PPT2: variants seen among roughly 807,000 people sequenced by gnomAD.
PPT2 encodes lysosomal thioesterase PPT2.
Under a neutral mutation model 37.3 loss-of-function variants are expected in PPT2, and 20 were observed. That is an observed-to-expected ratio of 0.54 (90% CI 0.38 to 0.78). PPT2 has a LOEUF of 0.78. Ranked by LOEUF, PPT2 falls within the 30% of genes least tolerant of loss-of-function variation. PPT2 has a pLI of 0.00. For missense variants in PPT2, 270 were observed against 389.8 expected (o/e 0.69, Z 2.59); for synonymous variants, 135 against 159.1 (o/e 0.85, Z 1.14).
At chr6:32,157,369 C>T (rs1405892260) in intron 5 of PPT2, 10 of 517,794 alleles carry the variant, frequency 1.9e-5, no homozygotes, top group East Asian at 1.4e-4. Flanking sequence ...TGCACCACCA[C>T]GCCTGGCTAA....
At position 32,163,237 on chromosome 6, in the gene PPT2, C is replaced by T. The variant is rs1582631058; in HGVS notation, c.*287C>T. On this transcript the variant is annotated 3_prime_UTR_variant, in exon 9 of 9. Coordinates refer to ENST00000324816, the MANE Select transcript of PPT2 (RefSeq NM_005155.7). ...AGGCCGAAGTTGGGAAGTGAGAAAC[C>T]ATGTTTTTAACTTGTGGCTGCTTTT... The T allele has an allele frequency of 4.7e-6, 2 of 427,178 alleles. No individual in the cohort carries two copies. The highest frequency in any genetic ancestry group is 7.4e-5 in the East Asian group (2 of 27,070). 26.5% of individuals were successfully genotyped at this position (427,178 alleles called of 1,614,324 possible).
chr6:32,157,516 A>G, intron 5 of PPT2, 121 bp from the exon 6 acceptor site: 1 of 849,916 alleles, frequency 1.2e-6, no homozygotes, highest in Non-Finnish European at 1.9e-6. Context: ...CCTGGCCTAC[A>G]TTATCACTAC....
Position 32,156,302 on chromosome 6 carries a change from C to T in PPT2, c.541+324C>T, listed in dbSNP as rs568796839. ...TGTATTTTAAGTAGAGATGGAGTTTCGCCATGTTGGCCAGGCTGGTCTCGA... is the reference window on the plus strand; with the variant it reads ...TGTATTTTAAGTAGAGATGGAGTTTTGCCATGTTGGCCAGGCTGGTCTCGA... On this transcript the variant is annotated intron_variant, in intron 5 of 8. Coordinates refer to ENST00000324816, the MANE Select transcript of PPT2 (RefSeq NM_005155.7). The surrounding 1 kb of genome is among the most constrained non-coding windows in gnomAD (Gnocchi z 4.9). Among the ~76,000 whole-genome samples, 15 of 152,200 alleles carry T rather than the reference C, an allele frequency of 9.9e-5. No homozygotes were observed. Among genetic ancestry groups the T allele is most frequent in the East Asian group, 5.8e-4 (3 of 5,178 alleles).
At position 32,155,557 on chromosome 6, in the gene PPT2, GTGT is replaced by G. The variant is rs1783713893; in HGVS notation, c.338-130_338-128del. 9 of 796,556 alleles carry G rather than the reference GTGT, an allele frequency of 1.1e-5. No individual in the cohort carries two copies. The highest frequency in any genetic ancestry group is 1.9e-5 in the Non-Finnish European group (9 of 477,624). 49.3% of individuals were successfully genotyped at this position (796,556 alleles called of 1,614,324 possible). ...CCTTCTGTAAGCCTCAGTCTCCTTT[GTGT>G]ACAGTGTGTGTCTGTGTGTGTCTCT... is the stretch of plus-strand genomic sequence containing the variant. On this transcript the variant is annotated intron_variant, in intron 3 of 8. Transcript: ENST00000324816. The surrounding 1 kb of genome is among the most constrained non-coding windows in gnomAD (Gnocchi z 4.3).
At chr6:32,161,443 C>G (rs552824930) in intron 7 of PPT2, among the ~76,000 whole-genome samples, 1 of 150,886 alleles carries the variant, frequency 6.6e-6, no homozygotes, top group South Asian at 2.1e-4. Flanking sequence ...GCGCCCACCA[C>G]CATGCCCAAC....
rs1582601986 is a variant in PPT2, at chr6:32,154,331, A to G, written c.-82A>G. On this transcript the variant is annotated 5_prime_UTR_variant, in exon 1 of 9. Transcript: ENST00000324816. The surrounding 1 kb of genome is among the most constrained non-coding windows in gnomAD (Gnocchi z 7.3). ...GCGTTGTTCATGGCTGAGGCGATGC[A>G]TTAGGAAGATCCTGGACCTAGAGAA... 7.1e-7 allele frequency: 1 copy of G among 1,400,226 alleles called. No individual in the cohort carries two copies. The allele number at this position is 1,400,226 out of a possible 1,614,324, so 86.7% of individuals were successfully genotyped here.
Position 32,162,627 on chromosome 6 carries a change from GC to G in PPT2, c.765+10del. On this transcript the variant is annotated splice_donor_region_variant and intron_variant, in intron 8 of 8. Transcript: ENST00000324816. The surrounding 1 kb of genome is among the most constrained non-coding windows in gnomAD (Gnocchi z 5.5). ...CTGGAGATGGAGGAGCAACTGGTGA[GC>G]CCCCTGGGATTACTTCCCCTTCTAG... The G allele has an allele frequency of 1.2e-6, 2 of 1,604,558 alleles. No individual in the cohort carries two copies. The highest frequency in any genetic ancestry group is 1.7e-6 in the Non-Finnish European group (2 of 1,171,314).
chr6:32,161,395 T>C (rs755399691), intron 7 of PPT2, among the ~76,000 whole-genome samples: 5 of 151,932 alleles, frequency 3.3e-5, no homozygotes, highest in Non-Finnish European at 7.4e-5. Flanking sequence ...GTTCAAGTGA[T>C]TCTCCTGTCT....
rs1053774897 is a variant in PPT2 at position 32,154,259 on chromosome 6, A to G, written c.-154A>G. ...GGACCCAGGCCAGGTGGGAGTCTGC[A>G]CTCTTCAAGGGGCCTGGGCTGCTGC... On this transcript the variant is annotated 5_prime_UTR_variant, in exon 1 of 9. Coordinates refer to ENST00000324816, the MANE Select transcript of PPT2 (RefSeq NM_005155.7). This position sits in a 1 kb window ranked among gnomAD's most constrained non-coding sequence, Gnocchi z 7.3. The G allele has an allele frequency of 2.5e-4, 320 of 1,257,588 alleles. No individual in the cohort carries two copies. Among genetic ancestry groups the G allele is most frequent in the Admixed American group, 4.7e-4 (12 of 25,384 alleles). 77.9% of individuals were successfully genotyped at this position (1,257,588 alleles called of 1,614,324 possible).
intron 7 of PPT2, among the ~76,000 whole-genome samples, chr6:32,159,516 AT>A (rs1237010442): frequency 2.0e-4 from 26 of 131,270 alleles, no homozygotes; most frequent in Admixed American, 3.9e-4. Context: ...CAGGCTTTTG[AT>A]TTTTTTTTTT....
At chr6:32,159,051 A>C (rs1296006952) in intron 7 of PPT2, among the ~76,000 whole-genome samples, 1 of 152,056 alleles carries the variant, frequency 6.6e-6, no homozygotes, top group Non-Finnish European at 1.5e-5. Context: ...GTTTTGTGGC[A>C]TTAAGTATAC....
chr6:32,163,158 C>G lies in PPT2; in HGVS notation c.*208C>G. On this transcript the variant is annotated 3_prime_UTR_variant, in exon 9 of 9. Transcript: ENST00000324816. The stretch of plus-strand genomic sequence containing the variant: ...CCATGAATGACAATTCCAGGCCTCC[C>G]CTACCTCATGTCCTCTCATTTGGGG... 1.7e-6 allele frequency: 1 copy of G among 596,476 alleles called. No homozygotes were observed. The highest frequency in any genetic ancestry group is 2.9e-6 in the Non-Finnish European group (1 of 343,834). 36.9% of individuals were successfully genotyped at this position (596,476 alleles called of 1,614,324 possible).
rs1783816014 is a variant in PPT2 at position 32,156,484 on chromosome 6, G to T, written c.541+506G>T. Among the ~76,000 whole-genome samples, 1 of 152,154 alleles carries T rather than the reference G, an allele frequency of 6.6e-6. No homozygotes were observed. Among genetic ancestry groups the T allele is most frequent in the Non-Finnish European group, 1.5e-5 (1 of 68,026 alleles). On this transcript the variant is annotated intron_variant, in intron 5 of 8. Coordinates refer to ENST00000324816, the MANE Select transcript of PPT2 (RefSeq NM_005155.7). The surrounding 1 kb of genome is among the most constrained non-coding windows in gnomAD (Gnocchi z 4.9). ...GGAGTCAGCAAACCTTGTCTATAAA[G>T]GGCCAGAGAGTAAATATTTTTGACT...
At chr6:32,157,777 C>G in intron 6 of PPT2, 57 bp downstream of exon 6, 1 of 1,569,152 alleles carries the variant, frequency 6.4e-7, no homozygotes, top group Non-Finnish European at 8.8e-7. Context: ...CTCCCTATGT[C>G]TCCCTCTCCA....
Position 32,157,624 on chromosome 6 carries a change from TG to T in PPT2, c.542-12del. 1 of 1,566,740 alleles carries T rather than the reference TG, an allele frequency of 6.4e-7. No homozygotes were observed. The highest frequency in any genetic ancestry group is 1.4e-5 in the African/African-American group (1 of 73,880). On this transcript the variant is annotated splice_polypyrimidine_tract_variant and intron_variant, in intron 5 of 8. Transcript: ENST00000324816. ...CTTTTCTGCTTCTTTTTCTAACTGC[TG>T]TTTGTACCCAGATCCCCACCACGAT...
At chr6:32,158,727 C>T (rs1490579677) in intron 7 of PPT2, among the ~76,000 whole-genome samples, 3 of 152,196 alleles carry the variant, frequency 2.0e-5, no homozygotes, top group African/African-American at 7.2e-5. Flanking sequence ...AGAAGTCCTC[C>T]TGGAAAAGTC....
Position 32,154,152 on chromosome 6 carries a change from G to A in PPT2, c.-261G>A. The A allele has an allele frequency of 9.1e-7, 1 of 1,095,024 alleles. No individual in the cohort carries two copies. Among genetic ancestry groups the A allele is most frequent in the Non-Finnish European group, 1.1e-6 (1 of 899,010 alleles). 67.8% of individuals were successfully genotyped at this position (1,095,024 alleles called of 1,614,324 possible). On this transcript the variant is annotated 5_prime_UTR_variant, in exon 1 of 9. Coordinates refer to ENST00000324816, the MANE Select transcript of PPT2 (RefSeq NM_005155.7). The surrounding 1 kb of genome is among the most constrained non-coding windows in gnomAD (Gnocchi z 7.3). ...TCCCCCTCCCATCCGTCATTCCCCT[G>A]CGCTCTCTTTCCTCACCCTTCCCCC... is the stretch of plus-strand genomic sequence containing the variant.
In PPT2 at chr6:32,157,837, C is replaced by G. The variant is rs1783896344; in HGVS notation, c.626-3C>G. 6.2e-7 allele frequency: 1 copy of G among 1,611,908 alleles called. No homozygotes were observed. The highest frequency in any genetic ancestry group is 2.2e-5 in the East Asian group (1 of 44,870). ...CTCAGCCTCTCTTCTTCCCATCCTACAGTATGGCGGAAGAACTTTCTGCGT... is the reference window on the plus strand; with the variant it reads ...CTCAGCCTCTCTTCTTCCCATCCTAGAGTATGGCGGAAGAACTTTCTGCGT... On this transcript the variant is annotated splice_region_variant and splice_polypyrimidine_tract_variant and intron_variant, in intron 6 of 8. Transcript: ENST00000324816.
Position 32,154,857 on chromosome 6 carries a change from A to T in PPT2, c.183+80A>T, listed in dbSNP as rs1378115619. ...GAGGGAGAGCGGGGAACTGAAAGCC[A>T]CCCCTCTGGGCCTGCCCAGTTCCTC... On this transcript the variant is annotated intron_variant, in intron 2 of 8. Coordinates refer to ENST00000324816, the MANE Select transcript of PPT2 (RefSeq NM_005155.7). This position sits in a 1 kb window ranked among gnomAD's most constrained non-coding sequence, Gnocchi z 7.3. 6.5e-7 allele frequency: 1 copy of T among 1,541,432 alleles called. No homozygotes were observed. Among genetic ancestry groups the T allele is most frequent in the Non-Finnish European group, 8.8e-7 (1 of 1,135,890 alleles).
Sources: gnomAD v4.1 joint callset for allele counts (sites outside exome capture counted in the v4.1 genomes callset) on GRCh38, gnomAD v4.1.1 for gene constraint, Gnocchi (gnomAD v3.1) non-coding constraint, MANE v1.5 for transcripts, NCBI Gene and HGNC (gene_info 2026-07-23, HGNC 2026-07-21) for gene names.